OPHN1: variants seen among roughly 807,000 people sequenced by gnomAD.
OPHN1 encodes oligophrenin-1.
Under a neutral mutation model 60.7 loss-of-function variants are expected in OPHN1, and 11 were observed. That is an observed-to-expected ratio of 0.18 (90% CI 0.11 to 0.30). OPHN1 has a LOEUF of 0.30. Ranked by LOEUF, OPHN1 falls within the 10% of genes least tolerant of loss-of-function variation. The probability of loss-of-function intolerance (pLI) is 1.00; values close to 1 mark genes in which losing one functional copy is unlikely to be tolerated. For missense variants in OPHN1, 449 were observed against 611.0 expected (o/e 0.73, Z 2.80); for synonymous variants, 226 against 222.6 (o/e 1.02, Z -0.14).
intron 2 of OPHN1, among the ~76,000 whole-genome samples, chrX:68,425,839 T>TTTC (rs2078852365): frequency 1.1e-5 from 1 of 93,724 alleles, no homozygotes; most frequent in Non-Finnish European, 2.1e-5. Flanking sequence ...TTTTTTTTTT[T>TTTC]AGAGAGGGAG....
At chrX:68,353,518 G>A (rs982189888) in intron 2 of OPHN1, among the ~76,000 whole-genome samples, 3 of 108,651 alleles carry the variant, frequency 2.8e-5, no homozygotes, top group Non-Finnish European at 5.7e-5. Flanking sequence ...AGGTTGCAAT[G>A]AGCCAAGGTC....
In OPHN1 at chrX:68,043,752, C is replaced by A. The variant is rs1459909444; in HGVS notation, c.*3420G>T. 8.9e-6 allele frequency: 1 copy of A among 111,953 alleles called. No homozygotes were observed. Among genetic ancestry groups the A allele is most frequent in the Non-Finnish European group, 1.9e-5 (1 of 53,206 alleles). 9.2% of individuals were successfully genotyped at this position (111,953 alleles called of 1,213,427 possible). A position where few individuals can be genotyped will look rare whatever the true frequency, so the allele number is the denominator to read the frequency against. On this transcript the variant is annotated 3_prime_UTR_variant, in exon 25 of 25. Coordinates refer to ENST00000355520, the MANE Select transcript of OPHN1 (RefSeq NM_002547.3). ...AACAAAAACTTCAAAAATAAAAATT[C>A]AATATTTCTTTTTGTAAGCCATCTC...
At chrX:68,238,242 T>C (rs1282618482) in intron 5 of OPHN1, among the ~76,000 whole-genome samples, 1 of 111,296 alleles carries the variant, frequency 9.0e-6, no homozygotes, top group African/African-American at 3.3e-5. Flanking sequence ...CCCCATTAAT[T>C]TGGAGTGCGA....
At chrX:68,117,409 G>T (rs1905516717) in intron 16 of OPHN1, among the ~76,000 whole-genome samples, 1 of 111,977 alleles carries the variant, frequency 8.9e-6, no homozygotes, top group African/African-American at 3.2e-5. Context: ...ACATTTGTAT[G>T]ATTATTTGTC....
At chrX:68,356,297 C>T in intron 2 of OPHN1, among the ~76,000 whole-genome samples, 1 of 111,388 alleles carries the variant, frequency 9.0e-6, no homozygotes. Flanking sequence ...GGGGATTCTC[C>T]AGCAGACTGC....
chrX:68,067,957 GT>G (rs1394822619), intron 20 of OPHN1, among the ~76,000 whole-genome samples: 6 of 111,871 alleles, frequency 5.4e-5, no homozygotes, highest in African/African-American at 1.6e-4. Flanking sequence ...TTTAGTAGCT[GT>G]GTTAGTTGGG....
intron 5 of OPHN1, among the ~76,000 whole-genome samples, chrX:68,253,333 C>T (rs2077845531): frequency 9.0e-6 from 1 of 111,616 alleles, no homozygotes; most frequent in Admixed American, 9.6e-5. Context: ...AGGGCCAAGA[C>T]ATTGGGTCTA....
At chrX:68,162,154 A>G (rs2077337492) in intron 15 of OPHN1, among the ~76,000 whole-genome samples, 2 of 110,787 alleles carry the variant, frequency 1.8e-5, no homozygotes, top group Admixed American at 9.7e-5. Flanking sequence ...AAACCTATAA[A>G]AAGAAAAACA....
chrX:68,132,504 T>A (rs1260512451), intron 15 of OPHN1, among the ~76,000 whole-genome samples: 2 of 84,950 alleles, frequency 2.4e-5, no homozygotes, highest in Non-Finnish European at 4.4e-5. Flanking sequence ...AACAATGAGA[T>A]CACATGGACA....
chrX:68,175,757 T>G (rs1040031266), intron 15 of OPHN1, among the ~76,000 whole-genome samples: 5 of 111,870 alleles, frequency 4.5e-5, no homozygotes, highest in Non-Finnish European at 9.4e-5. Flanking sequence ...TCCTCAATAA[T>G]GAAGGTTCTC....
intron 2 of OPHN1, among the ~76,000 whole-genome samples, chrX:68,412,880 T>G (rs1168122264): frequency 9.0e-6 from 1 of 111,593 alleles, no homozygotes; most frequent in Non-Finnish European, 1.9e-5. Context: ...GTGAAAGTTT[T>G]TATTTTGTTG....
At chrX:68,057,330 C>T (rs1002339573) in intron 21 of OPHN1, among the ~76,000 whole-genome samples, 18 of 111,749 alleles carry the variant, frequency 1.6e-4, no homozygotes, top group Non-Finnish European at 3.2e-4. Context: ...AGATTGAGGA[C>T]CATTAAGCCA....
chrX:68,431,251 T>A (rs1052646567), intron 2 of OPHN1, among the ~76,000 whole-genome samples: 4 of 111,840 alleles, frequency 3.6e-5, no homozygotes, highest in Non-Finnish European at 5.6e-5. Flanking sequence ...AGACAAATCA[T>A]TAAAAGATCA....
intron 15 of OPHN1, among the ~76,000 whole-genome samples, chrX:68,158,665 C>A (rs1405031366): frequency 8.9e-6 from 1 of 112,205 alleles, no homozygotes. Flanking sequence ...CTCCCTCCCC[C>A]TTCCCCTGGA....
At chrX:68,421,679 G>A (rs944423268) in intron 2 of OPHN1, among the ~76,000 whole-genome samples, 1 of 111,604 alleles carries the variant, frequency 9.0e-6, no homozygotes, top group Non-Finnish European at 1.9e-5. Flanking sequence ...GTTGGAAGTT[G>A]AAGTGTGGCC....
chrX:68,197,107 T>G, intron 12 of OPHN1, 79 bp downstream of exon 12: 1 of 699,208 alleles, frequency 1.4e-6, no homozygotes, highest in Non-Finnish European at 2.3e-6. Flanking sequence ...TTTAATTGTC[T>G]GAGACCCACT....
intron 4 of OPHN1, among the ~76,000 whole-genome samples, chrX:68,281,879 G>A (rs186113842): frequency 7.6e-4 from 86 of 112,586 alleles, no homozygotes; most frequent in Middle Eastern, 4.6e-3. Context: ...CTACACATCC[G>A]TGAGAATGGC....
intron 15 of OPHN1, among the ~76,000 whole-genome samples, chrX:68,152,976 C>T (rs1602194083): frequency 9.2e-6 from 1 of 109,085 alleles, no homozygotes; most frequent in African/African-American, 3.3e-5. Flanking sequence ...TTTGGGAGGC[C>T]AAGGCAGGTG....
At chrX:68,428,633 T>C (rs2078871069) in intron 2 of OPHN1, among the ~76,000 whole-genome samples, 1 of 112,455 alleles carries the variant, frequency 8.9e-6, no homozygotes, top group South Asian at 3.7e-4. Context: ...ATGAATAGTA[T>C]GCATTCGCTA....
Sources: gnomAD v4.1 joint callset for allele counts (sites outside exome capture counted in the v4.1 genomes callset) on GRCh38, gnomAD v4.1.1 for gene constraint, MANE v1.5 for transcripts, NCBI Gene and HGNC (gene_info 2026-07-23, HGNC 2026-07-21) for gene names.